The following SHROOM3 variants were observed in gnomAD, a reference collection of about 807,000 sequenced individuals.
SHROOM3 encodes shroom family member 3.
Under a neutral mutation model 138.6 loss-of-function variants are expected in SHROOM3, and 47 were observed. The ratio of observed to expected loss-of-function variants is 0.34; its 90% CI spans 0.27 to 0.43. The LOEUF (loss-of-function observed/expected upper bound fraction) is 0.43, where lower values mean the gene tolerates loss of function less well. Ranked by LOEUF, SHROOM3 falls within the 20% of genes least tolerant of loss-of-function variation. SHROOM3 has a pLI of 1.00. For missense variants in SHROOM3, 2,491 were observed against 2,596.5 expected (o/e 0.96, Z 0.88); for synonymous variants, 1,062 against 1,063.3 (o/e 1.00, Z 0.02).
At chr4:76,773,674 A>C (rs1420496106) in intron 10 of SHROOM3, among the ~76,000 whole-genome samples, 1 of 152,182 alleles carries the variant, frequency 6.6e-6, no homozygotes, top group African/African-American at 2.4e-5. Flanking sequence ...ACCAACTCGA[A>C]GCCTGGCACA....
intron 3 of SHROOM3, chr4:76,716,154 G>A: frequency 2.7e-6 from 1 of 375,072 alleles, no homozygotes; most frequent in African/African-American, 2.1e-5. Flanking sequence ...CTCTTACAGA[G>A]CAGGAATTGA....
chr4:76,657,207 A>C (rs542468993), intron 2 of SHROOM3, among the ~76,000 whole-genome samples: 5,916 of 151,734 alleles, frequency 0.039, 204 homozygotes, highest in African/African-American at 0.093. Context: ...CTCTCTCTAT[A>C]TATATATATA....
Position 76,740,757 on chromosome 4 carries a change from C to T in SHROOM3, c.2584C>T (p.Pro862Ser). The T allele has an allele frequency of 3.7e-6, 6 of 1,612,992 alleles. No individual in the cohort carries two copies. Among genetic ancestry groups the T allele is most frequent in the Non-Finnish European group, 5.1e-6 (6 of 1,180,002 alleles). ...ELKLEEASRQPCGQQLSGGAS... is the reference protein window; with the variant it reads ...ELKLEEASRQSCGQQLSGGAS... ...GAAGTTGGAAGAGGCTTCCCGGCAG[C>T]CCTGCGGTCAGCAGCTGAGCGGAGG... Residue 862 changes from proline (P) to serine (S), a missense_variant, in exon 5 of 11, where the codon CCC becomes TCC. Physicochemically the swap from Pro to Ser is moderately conservative, Grantham distance 74. Around this residue, in one of 4 missense-constraint regions of SHROOM3, gnomAD observed 1,733 missense variants for 1,661.6 expected, o/e 1.04. Transcript: ENST00000296043. The surrounding 1 kb of genome is among the most constrained non-coding windows in gnomAD (Gnocchi z 4.0).
intron 2 of SHROOM3, among the ~76,000 whole-genome samples, chr4:76,659,032 CA>C (rs34981910): frequency 2.1e-4 from 31 of 146,176 alleles, no homozygotes; most frequent in Admixed American, 4.8e-4. Context: ...TTAAACAAAC[CA>C]AAAAAAAAAA....
chr4:76,522,586 G>A (rs987618677), intron 1 of SHROOM3, among the ~76,000 whole-genome samples: 1 of 152,086 alleles, frequency 6.6e-6, no homozygotes, highest in South Asian at 2.1e-4. Context: ...CTGAGGTCAG[G>A]AGTTCAAGAC....
chr4:76,770,691 C>A lies in SHROOM3; in HGVS notation c.5415C>A (p.Leu1805=). Residue 1805 remains leucine (L), a synonymous_variant, in exon 10 of 11, where the codon CTC becomes CTA. Transcript: ENST00000296043. ...TCCAGGAGGCGAAGGGGAGCCTGCT[C>A]ACGGACATCAAGCTCAACAACGCCC... ...ETLQEAKGSL[L]TDIKLNNALG... 1 of 1,614,188 alleles carries A rather than the reference C, an allele frequency of 6.2e-7. No individual in the cohort carries two copies. Among genetic ancestry groups the A allele is most frequent in the Non-Finnish European group, 8.5e-7 (1 of 1,180,042 alleles).
At position 76,544,813 on chromosome 4, in the gene SHROOM3, T is replaced by C. The variant is rs1369167623; in HGVS notation, c.169-10796T>C. ...TGCAATCCCACAGCATAGACGTTGA[T>C]GGAACAGCAGGAAATTGGAGCTGGT... On this transcript the variant is annotated intron_variant, in intron 1 of 10. Coordinates refer to ENST00000296043, the MANE Select transcript of SHROOM3 (RefSeq NM_020859.4). Among the ~76,000 whole-genome samples the C allele has an allele frequency of 3.9e-5, 6 of 152,356 alleles. No homozygotes were observed. In the East Asian group the frequency reaches 1.2e-3, roughly 29 times the overall value.
At chr4:76,756,353 C>T in intron 7 of SHROOM3, 96 bp from the exon 8 acceptor site, 1 of 1,430,110 alleles carries the variant, frequency 7.0e-7, no homozygotes, top group Non-Finnish European at 9.5e-7. Flanking sequence ...AAAGCTTCTC[C>T]CTCAGTCTTT....
Position 76,693,366 on chromosome 4 carries a change from G to GTTTTTTTTTTTTTTTTTTTTTT in SHROOM3, c.324-16787_324-16786insTTTTTTTTTTTTTTTTTTTTTT, listed in dbSNP as rs1429298697. ...ACTATGCATACCTTCATTTTGATAA[G>GTTTTTTTTTTTTTTTTTTTTTT]TTTGTTTTTTTTTTTTTTTTTTTTT... On this transcript the variant is annotated intron_variant, in intron 2 of 10. Transcript: ENST00000296043. Among the ~76,000 whole-genome samples the GTTTTTTTTTTTTTTTTTTTTTT allele has an allele frequency of 6.7e-5, 4 of 60,098 alleles. 1 individual carries two copies. The highest frequency in any genetic ancestry group is 2.8e-4 in the African/African-American group (4 of 14,066). The allele number at this position is 60,098 out of a possible 152,430, so 39.4% of individuals were successfully genotyped here.
chr4:76,711,344 C>T (rs1720222500), intron 3 of SHROOM3, among the ~76,000 whole-genome samples: 1 of 152,222 alleles, frequency 6.6e-6, no homozygotes, highest in Non-Finnish European at 1.5e-5. Context: ...AGGGCTGTGC[C>T]TACTATGTCA....
intron 5 of SHROOM3, among the ~76,000 whole-genome samples, chr4:76,742,491 T>C (rs1044228369): frequency 2.0e-5 from 3 of 152,170 alleles, no homozygotes; most frequent in Non-Finnish European, 2.9e-5. Flanking sequence ...GAGTATATTA[T>C]ACATGTCAGA....
chr4:76,703,285 G>A (rs905285283), intron 2 of SHROOM3, among the ~76,000 whole-genome samples: 1 of 152,056 alleles, frequency 6.6e-6, no homozygotes, highest in African/African-American at 2.4e-5. Context: ...CATGCAGAGG[G>A]AGCTTCCTAG....
intron 2 of SHROOM3, chr4:76,688,853 G>A: frequency 3.0e-6 from 3 of 985,204 alleles, no homozygotes; most frequent in South Asian, 4.7e-5. Flanking sequence ...AAACAGGCCC[G>A]GAAGGAAGGC....
In SHROOM3 at chr4:76,754,878, T is replaced by C. The variant is rs371905026; in HGVS notation, c.4395T>C (p.Ser1465=). Residue 1465 remains serine, a synonymous_variant, in exon 7 of 11, where the codon AGT becomes AGC. Coordinates refer to ENST00000296043, the MANE Select transcript of SHROOM3 (RefSeq NM_020859.4). The part of the protein sequence containing the change: ...KHYQKQQSLP[S]LCSTSDPDTP... The stretch of plus-strand genomic sequence containing the variant: ...ATCAAAAACAGCAGAGTCTTCCAAG[T>C]TTATGCAGCACTTCTGACCCAGACA... The C allele has an allele frequency of 8.7e-6, 14 of 1,613,926 alleles. No individual in the cohort carries two copies. Among genetic ancestry groups the C allele is most frequent in the East Asian group, 4.5e-5 (2 of 44,880 alleles).
chr4:76,624,392 A>G (rs1472550456), intron 2 of SHROOM3, among the ~76,000 whole-genome samples: 1 of 152,162 alleles, frequency 6.6e-6, no homozygotes, highest in Non-Finnish European at 1.5e-5. Flanking sequence ...AGAGCTCCAG[A>G]GTTCACTCAG....
intron 1 of SHROOM3, among the ~76,000 whole-genome samples, chr4:76,461,518 T>C (rs1731142998): frequency 6.6e-6 from 1 of 152,180 alleles, no homozygotes. Flanking sequence ...AGAATAAGTA[T>C]AAAGATATTT....
intron 1 of SHROOM3, among the ~76,000 whole-genome samples, chr4:76,513,951 T>C (rs1323270822): frequency 6.6e-6 from 1 of 152,218 alleles, no homozygotes. Flanking sequence ...CCCTTCAGTT[T>C]ATTGAGGACC....
chr4:76,767,778 T>C (rs994455974), intron 9 of SHROOM3, among the ~76,000 whole-genome samples: 5 of 152,210 alleles, frequency 3.3e-5, no homozygotes, highest in Non-Finnish European at 5.9e-5. Context: ...AGGGTTTTAG[T>C]TCCTTCCAGA....
chr4:76,741,497 G>C lies in SHROOM3; in HGVS notation c.3324G>C (p.Glu1108Asp). Reference sequence around the variant, plus strand: ...CCGCCGCCGGCTGCAGCCTCCAGGAGCCCGGGCCACTGCGTGAGCGCGCCC... The same window carrying C: ...CCGCCGCCGGCTGCAGCCTCCAGGACCCCGGGCCACTGCGTGAGCGCGCCC... ...PTSAAGCSLQEPGPLRERAQS... is the reference protein window; with the variant it reads ...PTSAAGCSLQDPGPLRERAQS... The change falls in exon 5 of 11, where the codon GAG becomes GAC. Residue 1108 changes from glutamate (E) to aspartate (D), a missense_variant. Physicochemically the swap from Glu to Asp is conservative, Grantham distance 45. Coordinates refer to ENST00000296043, the MANE Select transcript of SHROOM3 (RefSeq NM_020859.4). The surrounding 1 kb of genome is among the most constrained non-coding windows in gnomAD (Gnocchi z 6.2). 1 of 1,556,124 alleles carries C rather than the reference G, an allele frequency of 6.4e-7. No homozygotes were observed.
Sources: allele counts gnomAD v4.1 joint callset (sites outside exome capture counted in the v4.1 genomes callset), GRCh38; gene constraint gnomAD v4.1.1; regional missense constraint gnomAD v4.1.1; non-coding constraint Gnocchi (gnomAD v3.1); transcripts MANE v1.5; gene names NCBI Gene and HGNC (gene_info 2026-07-23, HGNC 2026-07-21).